The following CFAP299 variants were observed in gnomAD, a reference collection of about 807,000 sequenced individuals.
The protein encoded by CFAP299 is cilia- and flagella-associated protein 299.
A neutral mutation model predicts 27.0 loss-of-function variants in CFAP299; 21 were observed. The observed-to-expected ratio is 0.78, with a 90% CI of 0.55 to 1.12. The LOEUF (loss-of-function observed/expected upper bound fraction) is 1.12, where lower values mean the gene tolerates loss of function less well. Ranked by LOEUF, CFAP299 falls within the 50% of genes most tolerant of loss-of-function variation. The probability of loss-of-function intolerance (pLI) is 0.00; values close to 1 mark genes in which losing one functional copy is unlikely to be tolerated. For synonymous variants in CFAP299, 104 were observed against 98.1 expected (o/e 1.06, Z -0.36); for missense variants, 310 against 276.6 (o/e 1.12, Z -0.86).
intron 3 of CFAP299, among the ~76,000 whole-genome samples, chr4:80,789,474 A>G (rs1297198804): frequency 6.6e-6 from 1 of 152,080 alleles, no homozygotes; most frequent in East Asian, 1.9e-4. Context: ...ATACTGATAC[A>G]AAGTTACCTG....
At chr4:80,480,774 G>A (rs1341064034) in intron 2 of CFAP299, among the ~76,000 whole-genome samples, 1 of 151,870 alleles carries the variant, frequency 6.6e-6, no homozygotes, top group Non-Finnish European at 1.5e-5. Context: ...AATTCCTGAA[G>A]TTCTGGTACT....
Position 80,362,833 on chromosome 4 carries a change from C to G in CFAP299, c.191C>G (p.Ala64Gly). ...GERVKREDFEARKAAIEIARL... is the reference protein window; with the variant it reads ...GERVKREDFEGRKAAIEIARL... ...AGAGTGAAAAGGGAAGATTTTGAAG[C>G]AAGGAAAGCGGCTATAGAGATTGCA... The change falls in exon 2 of 6, where the codon GCA becomes GGA. Residue 64 changes from alanine (A) to glycine (G), a missense_variant. Ala to Gly is a moderately conservative substitution (Grantham distance 60). Coordinates refer to ENST00000358105, the MANE Select transcript of CFAP299 (RefSeq NM_152770.3). The G allele has an allele frequency of 6.2e-7, 1 of 1,613,032 alleles. No homozygotes were observed.
At chr4:80,704,490 T>A (rs893468292) in intron 3 of CFAP299, among the ~76,000 whole-genome samples, 2 of 151,740 alleles carry the variant, frequency 1.3e-5, no homozygotes, top group African/African-American at 4.8e-5. Context: ...CATATAGAGA[T>A]GATGCAAGTT....
At chr4:80,591,104 AATTTTTTT>A (rs1358876523) in intron 3 of CFAP299, among the ~76,000 whole-genome samples, 13 of 116,498 alleles carry the variant, frequency 1.1e-4, no homozygotes, top group African/African-American at 3.9e-4. Flanking sequence ...TACTTTAGGA[AATTTTTTT>A]TTTTTTTTTT....
At chr4:80,752,973 C>T (rs1323788882) in intron 3 of CFAP299, among the ~76,000 whole-genome samples, 1 of 151,890 alleles carries the variant, frequency 6.6e-6, no homozygotes, top group Non-Finnish European at 1.5e-5. Context: ...TATGCAATAA[C>T]ACATAATACA....
chr4:80,640,771 T>C (rs2109958616), intron 3 of CFAP299, among the ~76,000 whole-genome samples: 1 of 152,312 alleles, frequency 6.6e-6, no homozygotes, highest in South Asian at 2.1e-4. Flanking sequence ...ATTGCTTATG[T>C]TCTGTGTCTC....
intron 3 of CFAP299, among the ~76,000 whole-genome samples, chr4:80,705,430 A>T (rs1191319236): frequency 6.6e-6 from 1 of 151,826 alleles, no homozygotes; most frequent in Non-Finnish European, 1.5e-5. Flanking sequence ...CTAGCCTAAA[A>T]ATGTTGCATC....
At chr4:80,914,348 C>T (rs1045545487) in intron 4 of CFAP299, among the ~76,000 whole-genome samples, 1 of 152,228 alleles carries the variant, frequency 6.6e-6, no homozygotes, top group Non-Finnish European at 1.5e-5. Flanking sequence ...TTATAGGTCA[C>T]TTTAATTTTA....
intron 3 of CFAP299, among the ~76,000 whole-genome samples, chr4:80,866,358 G>A (rs1936573497): frequency 6.6e-6 from 1 of 151,514 alleles, no homozygotes; most frequent in Non-Finnish European, 1.5e-5. Flanking sequence ...TTACAAATTG[G>A]GTGCTCAGGG....
At chr4:80,913,088 C>T (rs1735561229) in intron 4 of CFAP299, among the ~76,000 whole-genome samples, 1 of 152,066 alleles carries the variant, frequency 6.6e-6, no homozygotes, top group Non-Finnish European at 1.5e-5. Context: ...CATGGGGCCC[C>T]CTGAAATGTA....
At chr4:80,515,050 A>G (rs746723187) in intron 2 of CFAP299, among the ~76,000 whole-genome samples, 1 of 152,142 alleles carries the variant, frequency 6.6e-6, no homozygotes. Context: ...ATGTCTTTTC[A>G]TATAATGCAC....
intron 3 of CFAP299, among the ~76,000 whole-genome samples, chr4:80,589,699 G>A (rs4693036): frequency 0.93 from 141,925 of 152,268 alleles, 66,213 homozygotes; most frequent in East Asian, 1. Flanking sequence ...AAGACACTCA[G>A]CTGTACTAAT....
chr4:80,883,873 CTTTTA>C (rs943757088), intron 4 of CFAP299, among the ~76,000 whole-genome samples: 3 of 151,930 alleles, frequency 2.0e-5, no homozygotes, highest in Non-Finnish European at 4.4e-5. Flanking sequence ...TTTGTTTTTA[CTTTTA>C]TTTTAAGTTC....
intron 2 of CFAP299, among the ~76,000 whole-genome samples, chr4:80,492,619 G>A (rs1288743481): frequency 6.6e-6 from 1 of 152,098 alleles, no homozygotes; most frequent in Non-Finnish European, 1.5e-5. Flanking sequence ...GAATTTTCAA[G>A]ACACATTTTC....
chr4:80,473,433 A>G (rs1347810208), intron 2 of CFAP299, among the ~76,000 whole-genome samples: 1 of 151,878 alleles, frequency 6.6e-6, no homozygotes, highest in African/African-American at 2.4e-5. Context: ...ATCTGTTTAA[A>G]TGGTCTCCTG....
chr4:80,855,977 G>C (rs1300832188), intron 3 of CFAP299, among the ~76,000 whole-genome samples: 1 of 151,798 alleles, frequency 6.6e-6, no homozygotes, highest in Admixed American at 6.6e-5. Flanking sequence ...CTGAGGAATT[G>C]CCACACTGAC....
intron 4 of CFAP299, chr4:80,872,910 T>C: frequency 1.3e-5 from 13 of 965,402 alleles, no homozygotes; most frequent in Non-Finnish European, 1.6e-5. Flanking sequence ...TCTCTGTGTG[T>C]AGTTCTTCTT....
chr4:80,799,147 A>G (rs367752403), intron 3 of CFAP299, among the ~76,000 whole-genome samples: 3 of 121,420 alleles, frequency 2.5e-5, no homozygotes, highest in South Asian at 2.6e-4. Context: ...TATATATTAT[A>G]TAAATATATT....
rs540755097 is a variant in CFAP299, at chr4:80,553,070, A to G, written c.243-30023A>G. The stretch of plus-strand genomic sequence containing the variant: ...TTTGTTACATAGGTAAACTTCTGTC[A>G]TGGAAGTTTGTGGTACAGATTATTT... On this transcript the variant is annotated intron_variant, in intron 2 of 5. Coordinates refer to ENST00000358105, the MANE Select transcript of CFAP299 (RefSeq NM_152770.3). Among the ~76,000 whole-genome samples, 42 of 151,950 alleles carry G rather than the reference A, an allele frequency of 2.8e-4. 1 individual carries two copies. The highest frequency in any genetic ancestry group is 3.4e-3 in the Middle Eastern group (1 of 294).
Sources: allele counts gnomAD v4.1 joint callset (sites outside exome capture counted in the v4.1 genomes callset), GRCh38; gene constraint gnomAD v4.1.1; transcripts MANE v1.5; gene names NCBI Gene and HGNC (gene_info 2026-07-23, HGNC 2026-07-21).